Variants in ZNF804B observed in about 807,000 individuals in gnomAD.
ZNF804B encodes zinc finger 804B.
In ZNF804B, 80 loss-of-function variants were observed where a neutral mutation model predicts 101.4. The observed-to-expected ratio is 0.79, with a 90% CI of 0.66 to 0.95. The LOEUF is 0.95. Among genes scored for constraint, ZNF804B ranks in the 40% least tolerant of loss-of-function variants. The pLI, the probability that ZNF804B is intolerant of heterozygous loss-of-function variation, is 0.00. For synonymous variants in ZNF804B, 622 were observed against 558.8 expected, an observed-to-expected ratio of 1.11 and a Z score of -1.59; for missense variants, 1,673 against 1,561.9, an observed-to-expected ratio of 1.07 and a Z score of -1.20.
intron 1 of ZNF804B, among the ~76,000 whole-genome samples, chr7:89,169,292 A>T (rs1475153825): frequency 6.6e-6 from 1 of 152,154 alleles, no homozygotes; most frequent in Non-Finnish European, 1.5e-5. Context: ...GAGCTCCCAT[A>T]GGGGACCCAA....
intron 3 of ZNF804B, among the ~76,000 whole-genome samples, chr7:89,329,227 C>T (rs1414465618): frequency 6.6e-6 from 1 of 151,694 alleles, no homozygotes; most frequent in Non-Finnish European, 1.5e-5. Context: ...GACAAGTGTT[C>T]AGCTTTCTAG....
chr7:88,863,526 T>G (rs2115861915), intron 1 of ZNF804B, among the ~76,000 whole-genome samples: 1 of 152,324 alleles, frequency 6.6e-6, no homozygotes, highest in Admixed American at 6.5e-5. Context: ...AGCCCTATTT[T>G]TTTTAACGAA....
Position 88,857,238 on chromosome 7 carries a change from A to T in ZNF804B, c.108+97154A>T, listed in dbSNP as rs189768744. Among the ~76,000 whole-genome samples, 241 of 152,274 alleles carry T rather than the reference A, an allele frequency of 1.6e-3. 2 individuals carry two copies. Among genetic ancestry groups the T allele is most frequent in the African/African-American group, 5.3e-3 (219 of 41,554 alleles). On this transcript the variant is annotated intron_variant, in intron 1 of 3. Transcript: ENST00000333190. ...AGAGCAAACACATTCAAAAGCTAGC[A>T]GAAGGCAAGAAATAACTAAGATCAG...
intron 1 of ZNF804B, among the ~76,000 whole-genome samples, chr7:88,865,563 G>A (rs1217941099): frequency 6.6e-6 from 1 of 152,040 alleles, no homozygotes; most frequent in Non-Finnish European, 1.5e-5. Context: ...ATACATAAAT[G>A]CATATATAAA....
In ZNF804B at chr7:89,162,077, T is replaced by C. The variant is rs568824296; in HGVS notation, c.109-56078T>C. The stretch of plus-strand genomic sequence containing the variant: ...ATATTCTTCACTCTCTAGTTTAAGA[T>C]TAGTATCTGTATATTTCAGTCTGTA... On this transcript the variant is annotated intron_variant, in intron 1 of 3. Coordinates refer to ENST00000333190, the MANE Select transcript of ZNF804B (RefSeq NM_181646.5). Among the ~76,000 whole-genome samples, 3 of 152,284 alleles carry C rather than the reference T, an allele frequency of 2.0e-5. No homozygotes were observed. In the South Asian group the frequency reaches 6.2e-4, roughly 32 times the overall value.
intron 1 of ZNF804B, among the ~76,000 whole-genome samples, chr7:88,868,033 CTGTGTG>C (rs796357574): frequency 2.2e-5 from 3 of 135,034 alleles, no homozygotes; most frequent in South Asian, 2.5e-4. Context: ...CATAATTCTA[CTGTGTG>C]TGTGTGTGAG....
intron 3 of ZNF804B, among the ~76,000 whole-genome samples, chr7:89,327,872 G>A (rs978107392): frequency 2.6e-5 from 4 of 151,912 alleles, no homozygotes; most frequent in Non-Finnish European, 5.9e-5. Context: ...CCTGTGTCTA[G>A]TACAAATAAC....
intron 1 of ZNF804B, among the ~76,000 whole-genome samples, chr7:89,001,711 G>T (rs1301848770): frequency 6.6e-6 from 1 of 151,792 alleles, no homozygotes; most frequent in African/African-American, 2.4e-5. Flanking sequence ...GGGCTAAATA[G>T]TTACTTTCAT....
At chr7:89,098,208 A>T (rs559102569) in intron 1 of ZNF804B, among the ~76,000 whole-genome samples, 65 of 152,228 alleles carry the variant, frequency 4.3e-4, no homozygotes, top group Non-Finnish European at 7.4e-4. Context: ...TTGCTTCAGA[A>T]TCCATGTTCT....
chr7:88,848,962 C>T (rs1002136804), intron 1 of ZNF804B, among the ~76,000 whole-genome samples: 1 of 152,000 alleles, frequency 6.6e-6, no homozygotes, highest in African/African-American at 2.4e-5. Context: ...TATTGTTTTT[C>T]CAGCCGTGTG....
chr7:89,002,265 T>C (rs560727628), intron 1 of ZNF804B, among the ~76,000 whole-genome samples: 9 of 152,000 alleles, frequency 5.9e-5, no homozygotes, highest in African/African-American at 2.2e-4. Context: ...TTGCATTTAG[T>C]GCTTAATTTA....
At chr7:89,232,549 T>C (rs2115741882) in intron 2 of ZNF804B, among the ~76,000 whole-genome samples, 1 of 152,316 alleles carries the variant, frequency 6.6e-6, no homozygotes, top group South Asian at 2.1e-4. Context: ...CTCTTTTCTT[T>C]ACTTACTGAA....
intron 1 of ZNF804B, among the ~76,000 whole-genome samples, chr7:89,152,314 C>G (rs1382115065): frequency 2.7e-5 from 4 of 150,682 alleles, no homozygotes; most frequent in African/African-American, 9.8e-5. Context: ...TTCCCTGAAA[C>G]TACCTATTTG....
At chr7:88,837,192 A>G (rs73200646) in intron 1 of ZNF804B, among the ~76,000 whole-genome samples, 9,202 of 151,974 alleles carry the variant, frequency 0.061, 403 homozygotes, top group South Asian at 0.17. Flanking sequence ...AGTAACTGAC[A>G]GACAAATTAT....
chr7:89,253,501 A>C (rs1284679688), intron 2 of ZNF804B, among the ~76,000 whole-genome samples: 2 of 152,198 alleles, frequency 1.3e-5, no homozygotes, highest in Non-Finnish European at 2.9e-5. Flanking sequence ...ATACATTCTC[A>C]TAAAAATTGA....
At chr7:88,975,193 G>C (rs78626277) in intron 1 of ZNF804B, among the ~76,000 whole-genome samples, 3,422 of 151,514 alleles carry the variant, frequency 0.023, 133 homozygotes, top group African/African-American at 0.078. Context: ...TGGACACTTA[G>C]ATTGCCTGTA....
chr7:89,000,768 A>G (rs1788273547), intron 1 of ZNF804B, among the ~76,000 whole-genome samples: 1 of 141,308 alleles, frequency 7.1e-6, no homozygotes, highest in Non-Finnish European at 1.6e-5. Context: ...CACTTAGGAC[A>G]GTGCCTTCAC....
chr7:88,790,771 C>A (rs1790368658), intron 1 of ZNF804B, among the ~76,000 whole-genome samples: 1 of 151,990 alleles, frequency 6.6e-6, no homozygotes, highest in African/African-American at 2.4e-5. Flanking sequence ...CATGTATCTG[C>A]ATTCTATTAT....
At chr7:89,323,324 T>C (rs1384399279) in intron 2 of ZNF804B, among the ~76,000 whole-genome samples, 1 of 152,180 alleles carries the variant, frequency 6.6e-6, no homozygotes, top group East Asian at 1.9e-4. Context: ...CACAAGAACT[T>C]TGAAAGATAA....
Sources: allele counts gnomAD v4.1 joint callset (sites outside exome capture counted in the v4.1 genomes callset), GRCh38; gene constraint gnomAD v4.1.1; transcripts MANE v1.5; gene names NCBI Gene and HGNC (gene_info 2026-07-23, HGNC 2026-07-21).